The following ABCA9 variants were observed in gnomAD, a reference collection of about 807,000 sequenced individuals.
ABCA9 encodes ATP binding cassette subfamily A member 9.
In ABCA9, 183 loss-of-function variants were observed where a neutral mutation model predicts 205.3. The ratio of observed to expected loss-of-function variants is 0.89; its 90% confidence interval spans 0.79 to 1.01. ABCA9 has a LOEUF of 1.01. Among genes scored for constraint, ABCA9 ranks in the 50% least tolerant of loss-of-function variants. The pLI is 0.00. For missense variants in ABCA9, 1,805 were observed against 1,912.4 expected (o/e 0.94, Z 1.05); for synonymous variants, 651 against 683.3 (o/e 0.95, Z 0.74).
chr17:69,035,917 A>G (rs2071321720), intron 6 of ABCA9, 116 bp from the exon 7 acceptor site: 22 of 1,275,286 alleles, frequency 1.7e-5, no homozygotes, highest in Non-Finnish European at 2.3e-5. Flanking sequence ...AGGAAAAGAA[A>G]ATGCAATAGC....
At chr17:69,069,093 G>A in the ABCA9 span, among the ~76,000 whole-genome samples, 8 of 152,246 alleles carry the variant, frequency 5.3e-5, no homozygotes, top group South Asian at 4.2e-4. Context: ...TGTAAAGAGC[G>A]TGGAAGTCAT....
At chr17:69,030,229 C>A (rs1262311327) in intron 10 of ABCA9, among the ~76,000 whole-genome samples, 1 of 152,156 alleles carries the variant, frequency 6.6e-6, no homozygotes, top group East Asian at 1.9e-4. Context: ...ACATTTATTT[C>A]TTATAGTTCT....
intron 6 of ABCA9, among the ~76,000 whole-genome samples, chr17:69,037,872 A>G (rs763866608): frequency 4.6e-5 from 7 of 152,306 alleles, no homozygotes; most frequent in Non-Finnish European, 7.4e-5. Flanking sequence ...ACAACAAAAA[A>G]TGATAAAGGG....
intron 37 of ABCA9, among the ~76,000 whole-genome samples, chr17:68,981,423 T>C (rs2069048898): frequency 6.6e-6 from 1 of 151,982 alleles, no homozygotes; most frequent in Non-Finnish European, 1.5e-5. Context: ...CTGCTCCTAA[T>C]CCATTATAAA....
At chr17:69,003,032 C>T (rs2069949504) in intron 25 of ABCA9, among the ~76,000 whole-genome samples, 1 of 149,960 alleles carries the variant, frequency 6.7e-6, no homozygotes, top group South Asian at 2.1e-4. Context: ...AGATAGGTTT[C>T]CTGAATACAG....
chr17:69,046,448 T>C (rs1303774451), intron 3 of ABCA9, among the ~76,000 whole-genome samples: 1 of 152,198 alleles, frequency 6.6e-6, no homozygotes, highest in African/African-American at 2.4e-5. Context: ...AGGCTTATAA[T>C]TTCTAGTTGT....
intron 9 of ABCA9, 182 bp from the exon 10 acceptor site, chr17:69,032,458 T>C (rs1047729724): frequency 4.0e-6 from 2 of 501,324 alleles, no homozygotes; most frequent in East Asian, 3.2e-5. Context: ...ATAACAGAGA[T>C]GGCTAATATG....
At chr17:68,994,102 C>T (rs1294234428) in intron 26 of ABCA9, among the ~76,000 whole-genome samples, 4 of 152,148 alleles carry the variant, frequency 2.6e-5, no homozygotes, top group African/African-American at 9.7e-5. Context: ...TCTCGAACTC[C>T]AGACCTCAGG....
At chr17:69,068,905 A>T in the ABCA9 span, among the ~76,000 whole-genome samples, 1 of 152,244 alleles carries the variant, frequency 6.6e-6, no homozygotes, top group Non-Finnish European at 1.5e-5. Context: ...GGAGAGAGCC[A>T]TGATCAGAGC....
chr17:69,021,681 C>CTTGG, intron 18 of ABCA9, 61 bp downstream of exon 18: 1 of 901,880 alleles, frequency 1.1e-6, no homozygotes, highest in African/African-American at 2.6e-5. Flanking sequence ...TTCTTTCGTC[C>CTTGG]TTCCTTCCTT....
At chr17:69,024,617 C>A (rs2070923185) in intron 16 of ABCA9, among the ~76,000 whole-genome samples, 1 of 152,036 alleles carries the variant, frequency 6.6e-6, no homozygotes, top group African/African-American at 2.4e-5. Flanking sequence ...AGATATTAAG[C>A]CAGATCTTGC....
chr17:69,007,950 A>G (rs1371465592), intron 24 of ABCA9, 78 bp from the exon 25 acceptor site: 11 of 1,433,502 alleles, frequency 7.7e-6, no homozygotes, highest in African/African-American at 4.3e-5. Context: ...CAATTTTCCA[A>G]AACTATGCAA....
At chr17:68,976,751 A>G (rs571689414) in intron 37 of ABCA9, among the ~76,000 whole-genome samples, 4 of 152,274 alleles carry the variant, frequency 2.6e-5, no homozygotes, top group South Asian at 4.1e-4. Context: ...TAACACTTCT[A>G]TTGTTTCTCG....
At chr17:68,984,824 G>T (rs772727822) in intron 34 of ABCA9, 61 bp downstream of exon 34, 739 of 1,594,084 alleles carry the variant, frequency 4.6e-4, no homozygotes, top group Non-Finnish European at 5.8e-4. Flanking sequence ...CAATGATTTT[G>T]CAGGCCAGTT....
rs762340627 is a variant in ABCA9, at chr17:68,985,030, GCAA to G, written c.4284+20_4284+22del. ...GGTTCCCATCTACGGCACTTGCAGAGCAACAACAAGCCCTGCCCGTACCTTTCG... is the reference window on the plus strand; with the variant it reads ...GGTTCCCATCTACGGCACTTGCAGAGCAACAAGCCCTGCCCGTACCTTTCG... On this transcript the variant is annotated intron_variant, in intron 33 of 38. Transcript: ENST00000340001. The G allele has an allele frequency of 3.1e-6, 5 of 1,614,202 alleles. No homozygotes were observed. The highest frequency in any genetic ancestry group is 4.2e-6 in the Non-Finnish European group (5 of 1,180,044).
chr17:68,985,170 G>A (rs1360844404), intron 32 of ABCA9, 42 bp from the exon 33 acceptor site: 9 of 1,598,830 alleles, frequency 5.6e-6, no homozygotes, highest in Non-Finnish European at 6.0e-6. Context: ...CAACACTGGC[G>A]AATGTACATG....
At chr17:68,988,860 C>T (rs531700771) in intron 31 of ABCA9, among the ~76,000 whole-genome samples, 167 bp downstream of exon 31, 8 of 152,326 alleles carry the variant, frequency 5.3e-5, no homozygotes, top group Admixed American at 1.3e-4. Flanking sequence ...TAGCCCTTCT[C>T]AGAAACAAAC....
Position 69,049,372 on chromosome 17 carries a change from T to C in ABCA9, c.215A>G (p.Asn72Ser), listed in dbSNP as rs372033489. ...SMDLGRVDSF[N>S]DTNYVIAFAP... ...AAATGCAATAACATAATTAGTATCA[T>C]TAAAACTATCTACACGTCCCAGATC... Residue 72 changes from asparagine to serine, a missense_variant, in exon 3 of 39, where the codon AAT becomes AGT. By Grantham distance (46) the Asn-to-Ser change is conservative. Coordinates refer to ENST00000340001, the MANE Select transcript of ABCA9 (RefSeq NM_080283.4). 6 of 1,612,986 alleles carry C rather than the reference T, an allele frequency of 3.7e-6. No homozygotes were observed. The African/African-American group carries it at 5.3e-5, about 14-fold the overall frequency.
chr17:68,992,889 A>ATG (rs1026542507), intron 27 of ABCA9, 127 bp downstream of exon 27: 5 of 670,554 alleles, frequency 7.5e-6, no homozygotes, highest in Admixed American at 5.0e-5. Flanking sequence ...ATGCATGTGC[A>ATG]TGTGTGTGTT....
Sources: gnomAD v4.1 joint callset for allele counts (sites outside exome capture counted in the v4.1 genomes callset) on GRCh38, gnomAD v4.1.1 for gene constraint, MANE v1.5 for transcripts, NCBI Gene and HGNC (gene_info 2026-07-23, HGNC 2026-07-21) for gene names.